RNF10: variants seen among roughly 807,000 people sequenced by gnomAD.
RNF10 encodes the protein ring finger protein 10.
Under a neutral mutation model 91.4 loss-of-function variants are expected in RNF10, and 38 were observed. The ratio of observed to expected loss-of-function variants is 0.42; its 90% CI spans 0.32 to 0.54. The LOEUF (loss-of-function observed/expected upper bound fraction) is 0.54. Among genes scored for constraint, RNF10 ranks in the 20% least tolerant of loss-of-function variants. The pLI, the probability that RNF10 is intolerant of heterozygous loss-of-function variation, is 0.16. For missense variants in RNF10, 945 were observed against 1,012.0 expected (o/e 0.93, Z 0.90); for synonymous variants, 364 against 366.3 (o/e 0.99, Z 0.07).
In RNF10 at chr12:120,534,798, C is replaced by A. The variant is rs1316087733; in HGVS notation, c.-14C>A. On this transcript the variant is annotated 5_prime_UTR_variant, in exon 1 of 17. Transcript: ENST00000325954. ...GCTCCGCTCCGACTGCCGTCGCCGC[C>A]GAGGCCCCCGTTGATGCCGCTGAGC... The A allele has an allele frequency of 2.6e-6, 4 of 1,557,720 alleles. No homozygotes were observed. The Admixed American group carries it at 7.7e-5, about 30-fold the overall frequency.
chr12:120,537,417 A>G (rs1226760848), intron 1 of RNF10, among the ~76,000 whole-genome samples: 1 of 152,130 alleles, frequency 6.6e-6, no homozygotes, highest in African/African-American at 2.4e-5. Context: ...ATCTGAGTTC[A>G]GGAGTTTGAG....
rs78640946 is a variant in RNF10, at chr12:120,540,474, C to T, written c.157+5506C>T. ...CATCTTATCACTCCTGTTCTACCCT[C>T]GAGTTTTTCCCATGTATATCCTGGC... On this transcript the variant is annotated intron_variant, in intron 1 of 16. Transcript: ENST00000325954. 6.2e-3 allele frequency among the ~76,000 whole-genome samples: 939 copies of T among 152,286 alleles called. 5 individuals are homozygous for T. Among genetic ancestry groups the T allele is most frequent in the Non-Finnish European group, 8.2e-3 (558 of 68,026 alleles).
intron 13 of RNF10, 143 bp downstream of exon 13, chr12:120,567,123 A>G (rs1414418722): frequency 5.5e-6 from 4 of 726,776 alleles, no homozygotes; most frequent in Non-Finnish European, 8.6e-6. Flanking sequence ...AGGTACATCA[A>G]ATTCTTTTAT....
chr12:120,557,038 A>G (rs10774556), intron 4 of RNF10, among the ~76,000 whole-genome samples: 78,413 of 147,650 alleles, frequency 0.53, 23,923 homozygotes, highest in East Asian at 0.77. Context: ...CAGCTACTCC[A>G]GAGGCTGAGG....
intron 1 of RNF10, among the ~76,000 whole-genome samples, chr12:120,543,370 AC>A (rs1871844016): frequency 6.6e-6 from 1 of 152,094 alleles, no homozygotes; most frequent in Non-Finnish European, 1.5e-5. Flanking sequence ...GTGGGGCCAG[AC>A]CCCATGGCTC....
intron 4 of RNF10, among the ~76,000 whole-genome samples, chr12:120,555,216 C>G (rs1365895271): frequency 2.6e-5 from 4 of 152,190 alleles, no homozygotes; most frequent in African/African-American, 9.7e-5. Context: ...GAGTCTCACT[C>G]TGTTGCCCAG....
intron 2 of RNF10, among the ~76,000 whole-genome samples, chr12:120,548,635 T>G (rs1431232749): frequency 1.3e-5 from 2 of 151,030 alleles, no homozygotes; most frequent in East Asian, 3.9e-4. Context: ...GAAGGGAATA[T>G]GAGCTTGAGG....
rs901811707 is a variant in RNF10, at chr12:120,546,498, C to G, written c.251C>G (p.Ser84Cys). Residue 84 changes from serine (S) to cysteine (C), a missense_variant, in exon 2 of 17, where the codon TCC becomes TGC. Coordinates refer to ENST00000325954, the MANE Select transcript of RNF10 (RefSeq NM_014868.5). ...AGTTTTAACAACCAGTCCCGTCGCT[C>G]CAGTTCACAGAAAAGCAAGACTTTT... ...NESFNNQSRRSSSQKSKTFNK... is the reference protein window; with the variant it reads ...NESFNNQSRRCSSQKSKTFNK... The G allele has an allele frequency of 3.1e-6, 5 of 1,614,180 alleles. No individual in the cohort carries two copies. The highest frequency in any genetic ancestry group is 3.4e-6 in the Non-Finnish European group (4 of 1,180,036).
intron 11 of RNF10, 105 bp from the exon 12 acceptor site, chr12:120,565,323 C>G: frequency 1.7e-6 from 2 of 1,183,880 alleles, no homozygotes; most frequent in Non-Finnish European, 2.5e-6. Context: ...ATCTGTTCAT[C>G]TAGTCCAGCT....
In RNF10 at chr12:120,567,758, C is replaced by T. The variant is rs1036104188; in HGVS notation, c.2041+778C>T. On this transcript the variant is annotated intron_variant, in intron 13 of 16. Coordinates refer to ENST00000325954, the MANE Select transcript of RNF10 (RefSeq NM_014868.5). ...GAAGGGAATGTAATTCTTCTATTCA[C>T]GTACTAATGGGAAGATAAAAGTAAT... Among the ~76,000 whole-genome samples, 4 of 150,282 alleles carry T rather than the reference C, an allele frequency of 2.7e-5. 1 individual carries two copies. Among genetic ancestry groups the T allele is most frequent in the East Asian group, 3.9e-4 (2 of 5,128 alleles).
At chr12:120,571,067 C>G (rs1876546116) in intron 13 of RNF10, 124 bp from the exon 14 acceptor site, 2 of 530,446 alleles carry the variant, frequency 3.8e-6, no homozygotes, top group Non-Finnish European at 6.6e-6. Context: ...TCAATGTTTG[C>G]TTTTTTTTTT....
rs776546474 is a variant in RNF10, at chr12:120,557,673, C to A, written c.958C>A (p.His320Asn). 1.2e-6 allele frequency: 2 copies of A among 1,614,120 alleles called. No homozygotes were observed. The highest frequency in any genetic ancestry group is 2.2e-5 in the South Asian group (2 of 91,074). ...SKWMNVDHPI[H>N]LGDEQHSQYS... ...ATGGATGAATGTAGACCATCCCATTCATCTAGGAGGTGAGTTCTTTAAATT... is the reference window on the plus strand; with the variant it reads ...ATGGATGAATGTAGACCATCCCATTAATCTAGGAGGTGAGTTCTTTAAATT... The change falls in exon 6 of 17, where the codon CAT (histidine) becomes AAT (asparagine). Residue 320 changes from histidine to asparagine, a missense_variant. By Grantham distance (68) the His-to-Asn change is moderately conservative (BLOSUM62 1). Transcript: ENST00000325954.
In RNF10 at chr12:120,557,335, T is replaced by G. The variant is rs1350644874; in HGVS notation, c.699T>G (p.Thr233=). Residue 233 remains threonine (T), a synonymous_variant, in exon 5 of 17, where the codon ACT becomes ACG. Transcript: ENST00000325954. ...PSCPICLYPP[T]AAKITRCGHI... is the part of the protein sequence containing the mutation. ...GCCCAATATGCCTCTATCCACCTAC[T>G]GCAGCCAAGATAACCCGTTGTGGAC... The G allele has an allele frequency of 6.2e-7, 1 of 1,614,198 alleles. No homozygotes were observed. The highest frequency in any genetic ancestry group is 2.2e-5 in the East Asian group (1 of 44,874).
At chr12:120,556,890 C>T (rs1344578345) in intron 4 of RNF10, among the ~76,000 whole-genome samples, 4 of 151,910 alleles carry the variant, frequency 2.6e-5, no homozygotes, top group South Asian at 2.1e-4. Context: ...CGGTGGCTCA[C>T]GCCGGTAATT....
chr12:120,542,224 C>T (rs963505954), intron 1 of RNF10, among the ~76,000 whole-genome samples: 7 of 151,976 alleles, frequency 4.6e-5, no homozygotes, highest in African/African-American at 1.7e-4. Context: ...GCAGTGGTGC[C>T]ATCATAGCAC....
intron 4 of RNF10, among the ~76,000 whole-genome samples, chr12:120,556,939 T>C (rs952245796): frequency 6.6e-6 from 1 of 151,806 alleles, no homozygotes; most frequent in South Asian, 2.1e-4. Context: ...GATCACAAGG[T>C]CAGGAGATCA....
intron 4 of RNF10, among the ~76,000 whole-genome samples, chr12:120,556,722 T>C (rs1325737772): frequency 6.6e-6 from 1 of 152,096 alleles, no homozygotes; most frequent in Non-Finnish European, 1.5e-5. Flanking sequence ...TGCATACATA[T>C]TAAGTTTTTT....
At chr12:120,572,665 G>A (rs1876815979) in intron 14 of RNF10, among the ~76,000 whole-genome samples, 4 of 151,556 alleles carry the variant, frequency 2.6e-5, no homozygotes, top group Admixed American at 1.3e-4. Flanking sequence ...GCGTGATCTC[G>A]GCTCACTGCA....
chr12:120,548,836 T>C (rs1306470785), intron 2 of RNF10, among the ~76,000 whole-genome samples: 2 of 151,124 alleles, frequency 1.3e-5, no homozygotes, highest in Non-Finnish European at 2.9e-5. Context: ...GCCCGGCTAA[T>C]TTTTTTTGTA....
Sources: allele counts gnomAD v4.1 joint callset (sites outside exome capture counted in the v4.1 genomes callset), GRCh38; gene constraint gnomAD v4.1.1; transcripts MANE v1.5; gene names NCBI Gene and HGNC (gene_info 2026-07-23, HGNC 2026-07-21).